Variants in PAGR1 observed in about 807,000 individuals in gnomAD.
The protein encoded by PAGR1 is PAXIP1 associated glutamate rich protein 1.
Under a neutral mutation model 22.4 loss-of-function variants are expected in PAGR1, and 20 were observed. That is an observed-to-expected ratio of 0.89 (90% CI 0.63 to 1.30). The LOEUF (loss-of-function observed/expected upper bound fraction) is 1.30, where lower values mean the gene tolerates loss of function less well. Ranked by LOEUF, PAGR1 falls within the 50% of genes most tolerant of loss-of-function variation. The pLI, the probability that PAGR1 is intolerant of heterozygous loss-of-function variation, is 0.00. For missense variants in PAGR1, 338 were observed against 343.6 expected (o/e 0.98, Z 0.13); for synonymous variants, 161 against 148.3 (o/e 1.09, Z -0.62).
At chr16:29,818,719 G>A (rs1008387383) in intron 2 of PAGR1, among the ~76,000 whole-genome samples, 4 of 152,058 alleles carry the variant, frequency 2.6e-5, no homozygotes, top group African/African-American at 7.2e-5. Context: ...ACGTCACCAC[G>A]CCTAGCTAAT....
At position 29,819,549 on chromosome 16, in the gene PAGR1, C is replaced by T; in HGVS notation, c.566-6C>T. The T allele has an allele frequency of 6.2e-7, 1 of 1,613,996 alleles. No individual in the cohort carries two copies. Among genetic ancestry groups the T allele is most frequent in the Non-Finnish European group, 8.5e-7 (1 of 1,179,990 alleles). On this transcript the variant is annotated splice_polypyrimidine_tract_variant and splice_region_variant and intron_variant, in intron 2 of 2. Coordinates refer to ENST00000320330, the MANE Select transcript of PAGR1 (RefSeq NM_024516.4). ...CTTCCATGTATCTTACCTTCCTCTT[C>T]TCCAGGAAGCTCAGCCCGGAGCCAG...
At chr16:29,819,306 G>A (rs893522718) in intron 2 of PAGR1, 5 of 519,050 alleles carry the variant, frequency 9.6e-6, no homozygotes, top group Non-Finnish European at 1.7e-5. Context: ...TTGTCCTGGG[G>A]CCTCTACCCT....
At chr16:29,818,957 C>A (rs552530633) in intron 2 of PAGR1, among the ~76,000 whole-genome samples, 1 of 152,278 alleles carries the variant, frequency 6.6e-6, no homozygotes, top group South Asian at 2.1e-4. Flanking sequence ...AAGCGCTTTT[C>A]CCGCCACCTC....
In PAGR1 at chr16:29,816,246, GAGA is replaced by G. The variant is rs1900242465; in HGVS notation, c.-276_-274del. ...GTGTGGAGAGGGGCGTCGTGGAAGCGAGAAGAGTGGCCCGTCCCTCTCCTCCCC... is the reference window on the plus strand; with the variant it reads ...GTGTGGAGAGGGGCGTCGTGGAAGCGAGAGTGGCCCGTCCCTCTCCTCCCC... On this transcript the variant is annotated 5_prime_UTR_variant, in exon 1 of 3. Transcript: ENST00000320330. 1 of 406,128 alleles carries G rather than the reference GAGA, an allele frequency of 2.5e-6. No homozygotes were observed. Among genetic ancestry groups the G allele is most frequent in the East Asian group, 3.5e-5 (1 of 28,306 alleles). 25.2% of individuals were successfully genotyped at this position (406,128 alleles called of 1,614,324 possible). A position where few individuals can be genotyped will look rare whatever the true frequency, so the allele number is the denominator to read the frequency against.
chr16:29,818,049 T>TC (rs1334456193), intron 2 of PAGR1: 1 of 152,236 alleles, frequency 6.6e-6, no homozygotes, highest in Non-Finnish European at 1.5e-5. Context: ...TGTTTCCCAT[T>TC]CCCAGAAGTC....
Position 29,820,505 on chromosome 16 carries a change from C to A in PAGR1, c.*751C>A, listed in dbSNP as rs940309609. The stretch of plus-strand genomic sequence containing the variant: ...GCGTTTGTTGCAGCTACCTGCACTT[C>A]TAGATGTGAGTACATTGTACTAGCC... On this transcript the variant is annotated 3_prime_UTR_variant, in exon 3 of 3. Transcript: ENST00000320330. 2 of 152,276 alleles carry A rather than the reference C, an allele frequency of 1.3e-5. No individual in the cohort carries two copies. Among genetic ancestry groups the A allele is most frequent in the African/African-American group, 4.8e-5 (2 of 41,444 alleles). 9.4% of individuals were successfully genotyped at this position (152,276 alleles called of 1,614,324 possible). A position where few individuals can be genotyped will look rare whatever the true frequency, so the allele number is the denominator to read the frequency against.
intron 2 of PAGR1, 22 bp downstream of exon 2, chr16:29,817,314 T>C (rs752680375): frequency 1.2e-6 from 2 of 1,612,322 alleles, no homozygotes; most frequent in Non-Finnish European, 1.7e-6. Context: ...GAGGAAACAG[T>C]TGGGGGAGGT....
rs1278271921 is a variant in PAGR1, at chr16:29,822,100, T to A, written c.*2346T>A. The stretch of plus-strand genomic sequence containing the variant: ...GGTTGGGGTTTTGTTTTTTTTTTTT[T>A]TTTAAAGAATTATAGCTCAGTCCTA... On this transcript the variant is annotated 3_prime_UTR_variant, in exon 3 of 3. Coordinates refer to ENST00000320330, the MANE Select transcript of PAGR1 (RefSeq NM_024516.4). Among the ~76,000 whole-genome samples, 1 of 151,538 alleles carries A rather than the reference T, an allele frequency of 6.6e-6. No homozygotes were observed. The highest frequency in any genetic ancestry group is 1.5e-5 in the Non-Finnish European group (1 of 67,844).
Position 29,816,625 on chromosome 16 carries a change from G to A in PAGR1, c.100G>A (p.Glu34Lys). The change falls in exon 1 of 3, where the codon GAG becomes AAG. Residue 34 changes from glutamate to lysine, a missense_variant. Physicochemically the swap from Glu to Lys is moderately conservative, Grantham distance 56 (BLOSUM62 1). Transcript: ENST00000320330. ...VTSGLQALAV[E>K]DTGGPSASAG... ...CTCCGGCCTCCAGGCTCTGGCCGTG[G>A]AGGATACCGGAGGCCCCTCTGCCTC... 6.5e-7 allele frequency: 1 copy of A among 1,530,602 alleles called. No homozygotes were observed. The highest frequency in any genetic ancestry group is 8.8e-7 in the Non-Finnish European group (1 of 1,142,814). 94.8% of individuals were successfully genotyped at this position (1,530,602 alleles called of 1,614,324 possible). A position where few individuals can be genotyped will look rare whatever the true frequency, so the allele number is the denominator to read the frequency against.
Position 29,819,788 on chromosome 16 carries a change from C to T in PAGR1, c.*34C>T, listed in dbSNP as rs572116724. ...GCTCCTGCCTCTAGGGTGCAGTGTC[C>T]GTACCTGCTGGAGCCTGGGCCCTCC... On this transcript the variant is annotated 3_prime_UTR_variant, in exon 3 of 3. Transcript: ENST00000320330. The T allele has an allele frequency of 5.1e-6, 8 of 1,578,676 alleles. No individual in the cohort carries two copies. The highest frequency in any genetic ancestry group is 6.1e-6 in the Non-Finnish European group (7 of 1,155,742).
Position 29,816,899 on chromosome 16 carries a change from T to A in PAGR1, c.374T>A (p.Leu125Gln). 1.9e-6 allele frequency: 3 copies of A among 1,562,304 alleles called. No homozygotes were observed. Among genetic ancestry groups the A allele is most frequent in the Non-Finnish European group, 2.6e-6 (3 of 1,156,142 alleles). The stretch of plus-strand genomic sequence containing the variant: ...GAACTGCTGGCTGCCCACGGTACTC[T>A]GGAGCTGCAAGCCGAGATCCTGCCC... ...LYELLAAHGTLELQAEILPRR... is the reference protein window; with the variant it reads ...LYELLAAHGTQELQAEILPRR... The change falls in exon 1 of 3, where the codon CTG becomes CAG. Residue 125 changes from leucine to glutamine, a missense_variant. Leu to Gln is a moderately radical substitution (Grantham distance 113). Around this residue, in one of 3 missense-constraint regions of PAGR1, gnomAD observed 235 missense variants for 216.0 expected, o/e 1.09. Coordinates refer to ENST00000320330, the MANE Select transcript of PAGR1 (RefSeq NM_024516.4).
In PAGR1 at chr16:29,822,357, A is replaced by T. The variant is rs1224979616; in HGVS notation, c.*2603A>T. On this transcript the variant is annotated 3_prime_UTR_variant, in exon 3 of 3. Transcript: ENST00000320330. ...AAAGTAATTTATGAGACACATTCTC[A>T]ATTTCCATTAATCATCTCCTAAAGG... 6.6e-6 allele frequency among the ~76,000 whole-genome samples: 1 copy of T among 152,002 alleles called. No individual in the cohort carries two copies. The highest frequency in any genetic ancestry group is 1.5e-5 in the Non-Finnish European group (1 of 67,996).
chr16:29,818,478 T>C (rs1452294384), intron 2 of PAGR1: 2 of 152,376 alleles, frequency 1.3e-5, no homozygotes, highest in South Asian at 2.1e-4. Context: ...ACTGTCTTTC[T>C]TGCCTGGATA....
rs1349378984 is a variant in PAGR1 at position 29,821,615 on chromosome 16, C to CT, written c.*1864dup. On this transcript the variant is annotated 3_prime_UTR_variant, in exon 3 of 3. Coordinates refer to ENST00000320330, the MANE Select transcript of PAGR1 (RefSeq NM_024516.4). The stretch of plus-strand genomic sequence containing the variant: ...CTAGTTCTTGTTCTCGGCTTAGAAT[C>CT]TTTGTGTTTCTGCCTGAGAAGCCAC... Among the ~76,000 whole-genome samples the CT allele has an allele frequency of 6.6e-6, 1 of 152,200 alleles. No homozygotes were observed. The highest frequency in any genetic ancestry group is 1.5e-5 in the Non-Finnish European group (1 of 68,032).
rs1042853236 is a variant in PAGR1 at position 29,822,255 on chromosome 16, G to A, written c.*2501G>A. Among the ~76,000 whole-genome samples, 1 of 151,680 alleles carries A rather than the reference G, an allele frequency of 6.6e-6. No homozygotes were observed. The highest frequency in any genetic ancestry group is 2.4e-5 in the African/African-American group (1 of 41,284). On this transcript the variant is annotated 3_prime_UTR_variant, in exon 3 of 3. Transcript: ENST00000320330. ...TAATTGGCAGGAGTGGGAGGAGGGA[G>A]GACAAGTGGAAGTCTAGGCTGGCTG...
Position 29,820,101 on chromosome 16 carries a change from G to A in PAGR1, c.*347G>A, listed in dbSNP as rs1178223878. On this transcript the variant is annotated 3_prime_UTR_variant, in exon 3 of 3. Transcript: ENST00000320330. ...CTGAGTCTGAAATAAAAGATGCAGA[G>A]CTATCATCTCTTAAAAGGAGGGGCT... is the stretch of plus-strand genomic sequence containing the variant. The A allele has an allele frequency of 3.5e-5, 8 of 225,378 alleles. No individual in the cohort carries two copies. The highest frequency in any genetic ancestry group is 1.1e-4 in the African/African-American group (5 of 43,932). 14.0% of individuals were successfully genotyped at this position (225,378 alleles called of 1,614,324 possible). A position where few individuals can be genotyped will look rare whatever the true frequency, so the allele number is the denominator to read the frequency against.
rs1167939765 is a variant in PAGR1 at position 29,817,051 on chromosome 16, A to C, written c.482+44A>C. ...ACCTTGTCCCGGGGCTGCTCCCCTG[A>C]TGGCGGGAGGAAATAGGGAGGGGAA... On this transcript the variant is annotated intron_variant, in intron 1 of 2. Transcript: ENST00000320330. The C allele has an allele frequency of 5.1e-6, 8 of 1,553,966 alleles. 1 individual carries two copies. Among genetic ancestry groups the C allele is most frequent in the Middle Eastern group, 3.4e-4 (2 of 5,904 alleles).
chr16:29,816,689 A>T lies in PAGR1; in HGVS notation c.164A>T (p.Glu55Val). The change falls in exon 1 of 3, where the codon GAG becomes GTG. Residue 55 changes from glutamate (E) to valine (V), a missense_variant. Physicochemically the swap from Glu to Val is moderately radical, Grantham distance 121 (BLOSUM62 -2). This residue lies in a region of PAGR1 where 235 missense variants were observed against 216.0 expected (regional missense o/e 1.09). Transcript: ENST00000320330. ...KAEDEGEGGREETEREGSGGE... is the reference protein window; with the variant it reads ...KAEDEGEGGRVETEREGSGGE... ...GAGGACGAGGGGGAAGGAGGCCGAG[A>T]GGAGACCGAGCGTGAGGGGTCCGGG... 6.2e-7 allele frequency: 1 copy of T among 1,603,288 alleles called. No homozygotes were observed. The highest frequency in any genetic ancestry group is 2.2e-5 in the East Asian group (1 of 44,598).
At chr16:29,817,103 G>C in intron 1 of PAGR1, 96 bp downstream of exon 1, 1 of 1,579,688 alleles carries the variant, frequency 6.3e-7, no homozygotes, top group Non-Finnish European at 8.6e-7. Flanking sequence ...ACCTTTGAAA[G>C]TGGAGGGAGG....
Sources: allele counts gnomAD v4.1 joint callset (sites outside exome capture counted in the v4.1 genomes callset), GRCh38; gene constraint gnomAD v4.1.1; regional missense constraint gnomAD v4.1.1; transcripts MANE v1.5; gene names NCBI Gene and HGNC (gene_info 2026-07-23, HGNC 2026-07-21).